Variants in DNM1 observed in about 807,000 individuals in gnomAD.
DNM1 encodes the protein dynamin-1.
In DNM1, 29 loss-of-function variants were observed where a neutral mutation model predicts 104.6. That is an observed-to-expected ratio of 0.28 (90% CI 0.21 to 0.38). The LOEUF is 0.38. DNM1 is among the 10% of genes least tolerant of loss of function. The probability of loss-of-function intolerance (pLI) is 1.00; values close to 1 mark genes in which losing one functional copy is unlikely to be tolerated. For missense variants in DNM1, 640 were observed against 1,189.4 expected (o/e 0.54, Z 6.79); for synonymous variants, 445 against 475.8 (o/e 0.94, Z 0.84).
chr9:128,216,661 G>A lies in DNM1; in HGVS notation c.162-1570G>A, dbSNP rs543983926. On this transcript the variant is annotated intron_variant, in intron 1 of 21. Transcript: ENST00000372923. ...TCCACTTCCCCAGACGTGAGGCAGT[G>A]GAGAGGCTTCAAGAGGGGGCTTTGA... Among the ~76,000 whole-genome samples, 29 of 152,330 alleles carry A rather than the reference G, an allele frequency of 1.9e-4. No individual in the cohort carries two copies. The East Asian group carries it at 4.1e-3, about 21-fold the overall frequency.
intron 1 of DNM1, among the ~76,000 whole-genome samples, chr9:128,215,487 A>G (rs1477497249): frequency 6.6e-6 from 1 of 152,252 alleles, no homozygotes; most frequent in Non-Finnish European, 1.5e-5. Flanking sequence ...GGGCACCAGG[A>G]GATCTTGGCT....
chr9:128,237,507 G>A (rs1481274039), intron 11 of DNM1, among the ~76,000 whole-genome samples: 2 of 152,010 alleles, frequency 1.3e-5, no homozygotes, highest in African/African-American at 4.8e-5. Flanking sequence ...GACCTCAAGC[G>A]ATCTACCTGC....
rs62587118 is a variant in DNM1, at chr9:128,248,921, G to A, written c.2076+168G>A. ...AGAAATATCATGAGGGGCTGGGCGC[G>A]GTGGCTCACACCTGTAATCCCAGCA... On this transcript the variant is annotated intron_variant, in intron 19 of 21. Transcript: ENST00000372923. The surrounding 1 kb of genome is among the most constrained non-coding windows in gnomAD (Gnocchi z 5.6). Among the ~76,000 whole-genome samples the A allele has an allele frequency of 0.069, 10,565 of 152,188 alleles. 537 individuals are homozygous for A. The highest frequency in any genetic ancestry group is 0.19 in the East Asian group (988 of 5,170).
Position 128,254,437 on chromosome 9 carries a change from A to G in DNM1, c.2535-217A>G, listed in dbSNP as rs138623868. ...AGGGCCGCCACAGCCCCCAGGCGCT[A>G]TCTGTGAAGCTACGGCTCCTCCCTC... On this transcript the variant is annotated intron_variant, in intron 21 of 21. Transcript: ENST00000372923. This position sits in a 1 kb window ranked among gnomAD's most constrained non-coding sequence, Gnocchi z 6.1. 6.4e-4 allele frequency: 925 copies of G among 1,454,584 alleles called. 2 individuals carry two copies. Among genetic ancestry groups the G allele is most frequent in the Admixed American group, 3.3e-3 (122 of 36,552 alleles). The allele number at this position is 1,454,584 out of a possible 1,614,324, so 90.1% of individuals were successfully genotyped here.
chr9:128,208,002 C>A (rs1158957056), intron 1 of DNM1, among the ~76,000 whole-genome samples: 3 of 152,006 alleles, frequency 2.0e-5, no homozygotes, highest in Non-Finnish European at 4.4e-5. Flanking sequence ...ACCCCCCACC[C>A]CCAGGCTTTC....
At chr9:128,246,558 G>A in intron 16 of DNM1, 55 bp downstream of exon 16, 2 of 1,354,054 alleles carry the variant, frequency 1.5e-6, no homozygotes, top group Non-Finnish European at 2.1e-6. Flanking sequence ...CCCTCACTGA[G>A]TAGAAGCTGG....
In DNM1 at chr9:128,222,927, G is replaced by A; in HGVS notation, c.1196+67G>A. The A allele has an allele frequency of 6.7e-7, 1 of 1,483,096 alleles. No homozygotes were observed. The highest frequency in any genetic ancestry group is 1.7e-4 in the Middle Eastern group (1 of 5,726). The allele number at this position is 1,483,096 out of a possible 1,614,324, so 91.9% of individuals were successfully genotyped here. On this transcript the variant is annotated intron_variant, in intron 9 of 21. Coordinates refer to ENST00000372923, the MANE Select transcript of DNM1 (RefSeq NM_004408.4). The surrounding 1 kb of genome is among the most constrained non-coding windows in gnomAD (Gnocchi z 7.8). Reference sequence around the variant, plus strand: ...AGGGGGTCTGGGACAGAGGCACAGGGAGTGATGAAGTGGGCCTCCCTCAGG... The same window carrying A: ...AGGGGGTCTGGGACAGAGGCACAGGAAGTGATGAAGTGGGCCTCCCTCAGG...
intron 11 of DNM1, among the ~76,000 whole-genome samples, chr9:128,237,496 T>C (rs1266712770): frequency 6.6e-6 from 1 of 152,084 alleles, no homozygotes; most frequent in Non-Finnish European, 1.5e-5. Context: ...TGTGAACTTG[T>C]GACCTCAAGC....
intron 1 of DNM1, among the ~76,000 whole-genome samples, chr9:128,210,034 T>G (rs1267679000): frequency 1.3e-5 from 2 of 150,632 alleles, no homozygotes; most frequent in Non-Finnish European, 2.9e-5. Flanking sequence ...TTTTGTTTTG[T>G]TTTGTCTGTT....
At position 128,247,683 on chromosome 9, in the gene DNM1, T is replaced by C. The variant is rs528220835; in HGVS notation, c.1893+197T>C. On this transcript the variant is annotated intron_variant, in intron 17 of 21. Coordinates refer to ENST00000372923, the MANE Select transcript of DNM1 (RefSeq NM_004408.4). The surrounding 1 kb of genome is among the most constrained non-coding windows in gnomAD (Gnocchi z 5.1). ...TATTCCCATCCTTCTCCAGTGGCAG[T>C]TTTGTGTCTCTGTCTCTGTTGCAGA... Among the ~76,000 whole-genome samples, 1 of 152,200 alleles carries C rather than the reference T, an allele frequency of 6.6e-6. No individual in the cohort carries two copies. Among genetic ancestry groups the C allele is most frequent in the Admixed American group, 6.5e-5 (1 of 15,290 alleles).
chr9:128,247,364 C>G lies in DNM1; in HGVS notation c.1782-11C>G. On this transcript the variant is annotated splice_polypyrimidine_tract_variant and intron_variant, in intron 16 of 21. Transcript: ENST00000372923. The surrounding 1 kb of genome is among the most constrained non-coding windows in gnomAD (Gnocchi z 5.1). ...TGCCCATCTGCCCTCACTGCCTGCC[C>G]TATCTTGCAGGAATGTCTACAAGGA... The G allele has an allele frequency of 1.3e-6, 2 of 1,591,748 alleles. No homozygotes were observed. The highest frequency in any genetic ancestry group is 2.3e-5 in the East Asian group (1 of 44,362).
chr9:128,236,645 G>A (rs1049774932), intron 11 of DNM1, among the ~76,000 whole-genome samples: 7 of 152,024 alleles, frequency 4.6e-5, no homozygotes, highest in African/African-American at 1.7e-4. Context: ...GAGCCCAGGA[G>A]TTTGAGACCA....
In DNM1 at chr9:128,252,933, G is replaced by A. The variant is rs950734183; in HGVS notation, c.2535-1721G>A. On this transcript the variant is annotated intron_variant, in intron 21 of 21. Coordinates refer to ENST00000372923, the MANE Select transcript of DNM1 (RefSeq NM_004408.4). ...GCACTGGGAGGTGGCGGGGAAGGAG[G>A]CGTATGCGTGTTGTTTGTGGGCATG... 73 of 712,364 alleles carry A rather than the reference G, an allele frequency of 1.0e-4. No homozygotes were observed. The African/African-American group carries it at 1.2e-3, about 11-fold the overall frequency. 44.1% of individuals were successfully genotyped at this position (712,364 alleles called of 1,614,324 possible). A position where few individuals can be genotyped will look rare whatever the true frequency, so the allele number is the denominator to read the frequency against.
Position 128,218,410 on chromosome 9 carries a change from G to C in DNM1, c.235+106G>C, listed in dbSNP as rs891922387. ...ACGAACTTGCTTGCTGTGTGACTGT[G>C]GGCCTCGTTCCCCTTAGGGATAGCG... On this transcript the variant is annotated intron_variant, in intron 2 of 21. Coordinates refer to ENST00000372923, the MANE Select transcript of DNM1 (RefSeq NM_004408.4). This position sits in a 1 kb window ranked among gnomAD's most constrained non-coding sequence, Gnocchi z 4.8. 6.8e-7 allele frequency: 1 copy of C among 1,460,512 alleles called. No homozygotes were observed. Among genetic ancestry groups the C allele is most frequent in the Non-Finnish European group, 9.6e-7 (1 of 1,041,442 alleles). The allele number at this position is 1,460,512 out of a possible 1,614,324, so 90.5% of individuals were successfully genotyped here.
At chr9:128,225,920 G>A (rs772394821) in intron 10 of DNM1, 33 of 839,790 alleles carry the variant, frequency 3.9e-5, no homozygotes, top group Middle Eastern at 3.5e-4. Flanking sequence ...CTCTTCCCCC[G>A]TGCCCGTGCC....
Position 128,252,235 on chromosome 9 carries a change from G to GT in DNM1, c.2534+1296dup, listed in dbSNP as rs1221374247. On this transcript the variant is annotated intron_variant, in intron 21 of 21. Transcript: ENST00000372923. ...TAGGAGCACTTTGCTAACTGCCAAC[G>GT]TGAGTTCAGATTCTTCAGGGTATTT... 1.8e-4 allele frequency: 47 copies of GT among 260,514 alleles called. No individual in the cohort carries two copies. The East Asian group carries it at 4.6e-3, about 26-fold the overall frequency. The allele number at this position is 260,514 out of a possible 1,614,324, so 16.1% of individuals were successfully genotyped here.
Position 128,254,314 on chromosome 9 carries a change from A to C in DNM1, c.2535-340A>C. The C allele has an allele frequency of 7.2e-7, 1 of 1,395,072 alleles. No homozygotes were observed. The highest frequency in any genetic ancestry group is 9.2e-7 in the Non-Finnish European group (1 of 1,084,900). 86.4% of individuals were successfully genotyped at this position (1,395,072 alleles called of 1,614,324 possible). ...GGCCAGTGGGTTGGAAGACAGGGTGACCAGAGAAGAGGGAAGCCCGAGGGG... is the reference window on the plus strand; with the variant it reads ...GGCCAGTGGGTTGGAAGACAGGGTGCCCAGAGAAGAGGGAAGCCCGAGGGG... On this transcript the variant is annotated intron_variant, in intron 21 of 21. Coordinates refer to ENST00000372923, the MANE Select transcript of DNM1 (RefSeq NM_004408.4). The surrounding 1 kb of genome is among the most constrained non-coding windows in gnomAD (Gnocchi z 6.1).
rs1588396227 is a variant in DNM1 at position 128,230,410 on chromosome 9, A to T, written c.1336-3611A>T. 6.4e-5 allele frequency among the ~76,000 whole-genome samples: 9 copies of T among 140,196 alleles called. No individual in the cohort carries two copies. In the South Asian group the frequency reaches 2.1e-3, roughly 32 times the overall value. 92.0% of individuals were successfully genotyped at this position (140,196 alleles called of 152,430 possible). A position where few individuals can be genotyped will look rare whatever the true frequency, so the allele number is the denominator to read the frequency against. On this transcript the variant is annotated intron_variant, in intron 10 of 21. Transcript: ENST00000372923. ...AGGAATCTTTTTATTTTCTCTTCAC[A>T]AATTTTATTTATTTATTTATTTCTT...
intron 1 of DNM1, among the ~76,000 whole-genome samples, chr9:128,212,727 G>T (rs1834373976): frequency 6.6e-6 from 1 of 152,298 alleles, no homozygotes; most frequent in East Asian, 1.9e-4. Context: ...ACACAGCCAT[G>T]CAAGAATCGA....
Sources: allele counts gnomAD v4.1 joint callset (sites outside exome capture counted in the v4.1 genomes callset), GRCh38; gene constraint gnomAD v4.1.1; non-coding constraint Gnocchi (gnomAD v3.1); transcripts MANE v1.5; gene names NCBI Gene and HGNC (gene_info 2026-07-23, HGNC 2026-07-21).